The following TMEM132D variants were observed in gnomAD, a reference collection of about 807,000 sequenced individuals.
TMEM132D encodes mature OL transmembrane protein.
Under a neutral mutation model 62.3 loss-of-function variants are expected in TMEM132D, and 21 were observed. The ratio of observed to expected loss-of-function variants is 0.34; its 90% CI spans 0.24 to 0.49. The LOEUF (loss-of-function observed/expected upper bound fraction) is 0.49, where lower values mean the gene tolerates loss of function less well. Ranked by LOEUF, TMEM132D falls within the 20% of genes least tolerant of loss-of-function variation. TMEM132D has a pLI of 0.99. For missense variants in TMEM132D, 1,346 were observed against 1,402.8 expected (o/e 0.96, Z 0.65); for synonymous variants, 621 against 575.6 (o/e 1.08, Z -1.13).
At chr12:129,424,613 C>T (rs947335977) in intron 3 of TMEM132D, among the ~76,000 whole-genome samples, 1 of 143,486 alleles carries the variant, frequency 7.0e-6, no homozygotes, top group Non-Finnish European at 1.5e-5. Flanking sequence ...GAGGCTGAGG[C>T]AGGAGAATGG....
At chr12:129,472,918 G>A (rs558903719) in intron 3 of TMEM132D, among the ~76,000 whole-genome samples, 128 of 151,664 alleles carry the variant, frequency 8.4e-4, no homozygotes, top group African/African-American at 3.0e-3. Flanking sequence ...GTTGCCCAGC[G>A]CAGTGGCCTG....
chr12:129,398,834 TCATCCATCCATCCATC>T (rs138005852), intron 3 of TMEM132D, among the ~76,000 whole-genome samples: 7 of 71,266 alleles, frequency 9.8e-5, no homozygotes, highest in East Asian at 4.3e-4. Flanking sequence ...ATTTATGTAT[TCATCCATCCATCCATC>T]CATCCATCCA....
intron 3 of TMEM132D, among the ~76,000 whole-genome samples, chr12:129,485,620 C>G (rs1357149616): frequency 3.9e-5 from 6 of 152,196 alleles, no homozygotes. Flanking sequence ...AAACGCAAGA[C>G]CAGGTGGCAG....
intron 1 of TMEM132D, among the ~76,000 whole-genome samples, chr12:129,839,117 A>ATTTTTTCTTT (rs1873098410): frequency 4.8e-5 from 1 of 20,704 alleles, no homozygotes; most frequent in Non-Finnish European, 8.4e-5. Context: ...CGCCTGGCTA[A>ATTTTTTCTTT]TTTTTTTTTT....
At chr12:129,504,961 A>G (rs924136815) in intron 3 of TMEM132D, among the ~76,000 whole-genome samples, 1 of 152,160 alleles carries the variant, frequency 6.6e-6, no homozygotes. Flanking sequence ...TCTTGATTTC[A>G]TTGTTGACCC....
At chr12:129,649,150 A>C (rs1879860900) in intron 2 of TMEM132D, among the ~76,000 whole-genome samples, 1 of 152,184 alleles carries the variant, frequency 6.6e-6, no homozygotes, top group South Asian at 2.1e-4. Flanking sequence ...GTCACTCCAT[A>C]AATGATAAAG....
chr12:129,487,543 C>T (rs574676099), intron 3 of TMEM132D, among the ~76,000 whole-genome samples: 1 of 152,164 alleles, frequency 6.6e-6, no homozygotes, highest in Admixed American at 6.5e-5. Context: ...CCTGGTGAGG[C>T]CACCTGCTAT....
chr12:129,189,881 C>T (rs985712066), intron 5 of TMEM132D, among the ~76,000 whole-genome samples: 2 of 152,036 alleles, frequency 1.3e-5, no homozygotes, highest in Non-Finnish European at 2.9e-5. Flanking sequence ...GAATTGGAGT[C>T]GCTAACAGCT....
At chr12:129,457,866 C>G (rs1248757478) in intron 3 of TMEM132D, among the ~76,000 whole-genome samples, 1 of 152,134 alleles carries the variant, frequency 6.6e-6, no homozygotes, top group East Asian at 1.9e-4. Flanking sequence ...AGCAGGTCTC[C>G]CCTCCAACAC....
chr12:129,445,994 T>G (rs1873085874), intron 3 of TMEM132D, among the ~76,000 whole-genome samples: 1 of 151,996 alleles, frequency 6.6e-6, no homozygotes, highest in Admixed American at 6.5e-5. Context: ...TCCAAATTGG[T>G]ACCAGGGGCT....
intron 3 of TMEM132D, among the ~76,000 whole-genome samples, chr12:129,348,529 G>A (rs1233413413): frequency 1.3e-5 from 2 of 152,090 alleles, no homozygotes; most frequent in East Asian, 3.9e-4. Context: ...CACAGGGAGG[G>A]GAACATCACC....
intron 2 of TMEM132D, among the ~76,000 whole-genome samples, chr12:129,645,365 G>A (rs1645515235): frequency 6.6e-6 from 1 of 152,046 alleles, no homozygotes; most frequent in Non-Finnish European, 1.5e-5. Flanking sequence ...TGCCTTCCTT[G>A]CTGTGGCCTC....
At chr12:129,219,779 T>C (rs958246411) in intron 4 of TMEM132D, among the ~76,000 whole-genome samples, 5 of 152,162 alleles carry the variant, frequency 3.3e-5, no homozygotes, top group African/African-American at 9.7e-5. Flanking sequence ...TTCATTAAAT[T>C]AAGGATACAA....
At chr12:129,693,734 G>A (rs893403474) in intron 2 of TMEM132D, among the ~76,000 whole-genome samples, 3 of 152,148 alleles carry the variant, frequency 2.0e-5, no homozygotes, top group African/African-American at 7.2e-5. Context: ...GAGAGCATGC[G>A]TATTTTGACT....
chr12:129,547,555 C>T (rs137960263), intron 2 of TMEM132D, among the ~76,000 whole-genome samples: 30 of 152,288 alleles, frequency 2.0e-4, no homozygotes, highest in Middle Eastern at 3.4e-3. Flanking sequence ...CCCTCAACAC[C>T]GGTCATTTCA....
chr12:129,582,112 C>T (rs543085268), intron 2 of TMEM132D, among the ~76,000 whole-genome samples: 2 of 152,312 alleles, frequency 1.3e-5, no homozygotes, highest in Middle Eastern at 3.4e-3. Flanking sequence ...TGATGAAACA[C>T]GTCTGCTTTT....
intron 3 of TMEM132D, among the ~76,000 whole-genome samples, chr12:129,462,381 T>C (rs1162485829): frequency 6.6e-6 from 1 of 152,164 alleles, no homozygotes; most frequent in Non-Finnish European, 1.5e-5. Context: ...GAAAGGAGTA[T>C]GGCTTGATTT....
chr12:129,862,868 TAA>T (rs200353787), intron 1 of TMEM132D, among the ~76,000 whole-genome samples: 41 of 142,778 alleles, frequency 2.9e-4, no homozygotes, highest in South Asian at 4.5e-4. Context: ...TGAGCTTAGT[TAA>T]AAAAAAAAAA....
At chr12:129,464,406 T>C (rs922614922) in intron 3 of TMEM132D, among the ~76,000 whole-genome samples, 7 of 152,210 alleles carry the variant, frequency 4.6e-5, no homozygotes, top group Non-Finnish European at 8.8e-5. Context: ...AAAAATTTTC[T>C]CCCATTTTGT....
Sources: allele counts gnomAD v4.1 joint callset (sites outside exome capture counted in the v4.1 genomes callset), GRCh38; gene constraint gnomAD v4.1.1; transcripts MANE v1.5; gene names NCBI Gene and HGNC (gene_info 2026-07-23, HGNC 2026-07-21).